The following SFMBT1 variants were observed in gnomAD, a reference collection of about 807,000 sequenced individuals.
SFMBT1 encodes Scm like with four mbt domains 1.
In SFMBT1, 32 loss-of-function variants were observed where a neutral mutation model predicts 108.7. That is an observed-to-expected ratio of 0.29 (90% confidence interval 0.22 to 0.40). The LOEUF is 0.40. SFMBT1 is among the 10% of genes least tolerant of loss of function. The pLI is 1.00. For missense variants in SFMBT1, 816 were observed against 1,059.6 expected, an observed-to-expected ratio of 0.77 and a Z score of 3.19; for synonymous variants, 348 against 369.5, an observed-to-expected ratio of 0.94 and a Z score of 0.67.
At position 52,907,646 on chromosome 3, in the gene SFMBT1, C is replaced by G. The variant is rs749790570; in HGVS notation, c.1994G>C (p.Ser665Thr). ...ATTTTTCCGCCTCTTTCTCCTCTTACTGGCTTTTTTCAGGGCACAAGCTAA... is the reference window on the plus strand; with the variant it reads ...ATTTTTCCGCCTCTTTCTCCTCTTAGTGGCTTTTTTCAGGGCACAAGCTAA... ...SNLACALKKA[S>T]KRRKRRKNVF... The change falls in exon 18 of 21, where the codon AGT (serine) becomes ACT (threonine). Residue 665 changes from serine to threonine, a missense_variant. By Grantham distance (58) the Ser-to-Thr change is moderately conservative. Around this residue, in one of 5 missense-constraint regions of SFMBT1, gnomAD observed 177 missense variants for 182.0 expected, o/e 0.97. Transcript: ENST00000394752. 1.3e-5 allele frequency: 21 copies of G among 1,614,188 alleles called. No homozygotes were observed. The Admixed American group carries it at 3.3e-4, about 26-fold the overall frequency.
intron 1 of SFMBT1, among the ~76,000 whole-genome samples, chr3:53,038,608 C>T (rs1699939168): frequency 1.3e-5 from 2 of 152,196 alleles, no homozygotes; most frequent in Admixed American, 6.5e-5. Flanking sequence ...AAAGTACATA[C>T]CTGCTCAACT....
intron 1 of SFMBT1, among the ~76,000 whole-genome samples, chr3:53,031,603 A>AC (rs1210984379): frequency 6.6e-6 from 1 of 152,000 alleles, no homozygotes; most frequent in African/African-American, 2.4e-5. Context: ...CTGTAAAAAA[A>AC]AAAAAGTGTC....
At chr3:52,949,807 G>C (rs563386740) in intron 3 of SFMBT1, among the ~76,000 whole-genome samples, 1 of 151,892 alleles carries the variant, frequency 6.6e-6, no homozygotes, top group South Asian at 2.1e-4. Flanking sequence ...TTGAACTCCC[G>C]ACCTCAAATG....
At chr3:52,926,334 T>A (rs142242208) in intron 9 of SFMBT1, among the ~76,000 whole-genome samples, 5 of 152,374 alleles carry the variant, frequency 3.3e-5, no homozygotes, top group Non-Finnish European at 5.9e-5. Flanking sequence ...AGACTCTGGA[T>A]AAATTTGTAA....
chr3:53,024,371 T>C (rs1699414503), intron 1 of SFMBT1, among the ~76,000 whole-genome samples: 1 of 152,298 alleles, frequency 6.6e-6, no homozygotes, highest in East Asian at 1.9e-4. Flanking sequence ...CGAGGGAAGA[T>C]ATGTCCAAGA....
chr3:52,954,292 TA>T, intron 3 of SFMBT1, 24 bp downstream of exon 3: 1 of 1,518,496 alleles, frequency 6.6e-7, no homozygotes, highest in Non-Finnish European at 9.1e-7. Context: ...ATAACACCAG[TA>T]AGGCAAATAT....
intron 2 of SFMBT1, among the ~76,000 whole-genome samples, chr3:52,966,005 CAAAA>C (rs775989805): frequency 0.15 from 8,348 of 55,006 alleles, 347 homozygotes; most frequent in Admixed American, 0.21. Context: ...GACTCCGTTT[CAAAA>C]AAAAAAAAAA....
At chr3:52,958,180 C>T (rs572570140) in intron 2 of SFMBT1, among the ~76,000 whole-genome samples, 2 of 152,280 alleles carry the variant, frequency 1.3e-5, no homozygotes, top group African/African-American at 4.8e-5. Context: ...CAAAAGAAGA[C>T]ATTTATGTGG....
chr3:52,961,374 T>C (rs937514324), intron 2 of SFMBT1, among the ~76,000 whole-genome samples: 1 of 152,162 alleles, frequency 6.6e-6, no homozygotes, highest in Non-Finnish European at 1.5e-5. Flanking sequence ...TGCCCAACAA[T>C]GTGAATGTAC....
At chr3:52,967,739 C>A (rs1704194901) in intron 2 of SFMBT1, among the ~76,000 whole-genome samples, 1 of 152,104 alleles carries the variant, frequency 6.6e-6, no homozygotes, top group Non-Finnish European at 1.5e-5. Flanking sequence ...TCACTGGCGG[C>A]CATGAGGGAG....
chr3:53,002,986 G>A (rs979816675), intron 1 of SFMBT1, among the ~76,000 whole-genome samples: 3 of 149,076 alleles, frequency 2.0e-5, no homozygotes, highest in Non-Finnish European at 3.0e-5. Flanking sequence ...GCCAGGTATG[G>A]TAGCACATGC....
Position 52,905,038 on chromosome 3 carries a change from C to A in SFMBT1, c.*98G>T. 6.6e-7 allele frequency: 1 copy of A among 1,504,788 alleles called. No individual in the cohort carries two copies. 93.2% of individuals were successfully genotyped at this position (1,504,788 alleles called of 1,614,324 possible). A position where few individuals can be genotyped will look rare whatever the true frequency, so the allele number is the denominator to read the frequency against. On this transcript the variant is annotated 3_prime_UTR_variant, in exon 21 of 21. Transcript: ENST00000394752. ...AGAGAGCAAGCTGATACCTGCAGGC[C>A]CCAGAGCCCCAGGACTATTCCAGCT...
At chr3:52,973,482 C>T (rs1704416442) in intron 1 of SFMBT1, among the ~76,000 whole-genome samples, 2 of 152,036 alleles carry the variant, frequency 1.3e-5, no homozygotes. Context: ...ACAACTAAAC[C>T]CAGGCAGAAA....
intron 10 of SFMBT1, among the ~76,000 whole-genome samples, chr3:52,923,812 A>G (rs982429038): frequency 6.6e-6 from 1 of 152,170 alleles, no homozygotes; most frequent in African/African-American, 2.4e-5. Flanking sequence ...AAACGGAAGG[A>G]AGGAAATCAA....
intron 1 of SFMBT1, among the ~76,000 whole-genome samples, chr3:53,008,632 C>CT (rs547883626): frequency 0.09 from 12,482 of 139,236 alleles, 1,504 homozygotes; most frequent in African/African-American, 0.26. Flanking sequence ...CCTAGGTAGA[C>CT]TTTTTTTTTT....
intron 8 of SFMBT1, among the ~76,000 whole-genome samples, chr3:52,928,697 T>G (rs1702764460): frequency 6.8e-6 from 1 of 146,240 alleles, no homozygotes; most frequent in Non-Finnish European, 1.5e-5. Flanking sequence ...TATATATAGT[T>G]TGTTTGTTTT....
At chr3:52,913,370 G>T in intron 15 of SFMBT1, 108 bp downstream of exon 15, 4 of 1,368,354 alleles carry the variant, frequency 2.9e-6, no homozygotes, top group Non-Finnish European at 3.9e-6. Flanking sequence ...AGTAACTTTT[G>T]ATAAAACCTA....
chr3:52,915,793 T>A (rs1017225447), intron 14 of SFMBT1, among the ~76,000 whole-genome samples: 5 of 152,172 alleles, frequency 3.3e-5, no homozygotes, highest in African/African-American at 1.2e-4. Flanking sequence ...AAAAGGGTTT[T>A]AAAAAGAATA....
At position 52,904,919 on chromosome 3, in the gene SFMBT1, A is replaced by G; in HGVS notation, c.*217T>C. 2.1e-6 allele frequency: 1 copy of G among 487,048 alleles called. No homozygotes were observed. Among genetic ancestry groups the G allele is most frequent in the Non-Finnish European group, 3.5e-6 (1 of 283,068 alleles). The allele number at this position is 487,048 out of a possible 1,614,324, so 30.2% of individuals were successfully genotyped here. On this transcript the variant is annotated 3_prime_UTR_variant, in exon 21 of 21. Coordinates refer to ENST00000394752, the MANE Select transcript of SFMBT1 (RefSeq NM_016329.4). Reference sequence around the variant, plus strand: ...ATTTTTTAAAAACTGCCATCTGCTGAACAAGAGATGTCCACATTTCCACCA... The same window carrying G: ...ATTTTTTAAAAACTGCCATCTGCTGGACAAGAGATGTCCACATTTCCACCA...
Sources: allele counts gnomAD v4.1 joint callset (sites outside exome capture counted in the v4.1 genomes callset), GRCh38; gene constraint gnomAD v4.1.1; regional missense constraint gnomAD v4.1.1; transcripts MANE v1.5; gene names NCBI Gene and HGNC (gene_info 2026-07-23, HGNC 2026-07-21).